ARHGAP24: variants seen among roughly 807,000 people sequenced by gnomAD.
The protein encoded by ARHGAP24 is rho GTPase-activating protein 24.
Under a neutral mutation model 76.4 loss-of-function variants are expected in ARHGAP24, and 50 were observed. The observed-to-expected ratio is 0.65, with a 90% CI of 0.52 to 0.83. The LOEUF (loss-of-function observed/expected upper bound fraction) is 0.83, where lower values mean the gene tolerates loss of function less well. Ranked by LOEUF, ARHGAP24 falls within the 40% of genes least tolerant of loss-of-function variation. The pLI is 0.00. For missense variants in ARHGAP24, 930 were observed against 914.2 expected (o/e 1.02, Z -0.22); for synonymous variants, 345 against 323.3 (o/e 1.07, Z -0.72).
At chr4:85,535,727 TG>T (rs1194984691) in intron 1 of ARHGAP24, among the ~76,000 whole-genome samples, 1 of 152,154 alleles carries the variant, frequency 6.6e-6, no homozygotes, top group Non-Finnish European at 1.5e-5. Flanking sequence ...GTGGTTTTGT[TG>T]TATATAGATG....
chr4:85,748,000 C>G (rs1302700311), intron 3 of ARHGAP24, among the ~76,000 whole-genome samples: 1 of 152,224 alleles, frequency 6.6e-6, no homozygotes, highest in African/African-American at 2.4e-5. Flanking sequence ...TATATCTGTT[C>G]ATGCCTAGAT....
At chr4:85,990,565 A>G (rs1051550307) in intron 8 of ARHGAP24, 7 of 151,896 alleles carry the variant, frequency 4.6e-5, no homozygotes, top group African/African-American at 1.7e-4. Flanking sequence ...AAAGTGTGCT[A>G]TTGATATAAA....
At position 85,995,047 on chromosome 4, in the gene ARHGAP24, C is replaced by G; in HGVS notation, c.1393C>G (p.Leu465Val). ...CCTACAGGCCAGAAGGAGCTCTTCA[C>G]TGAAGGTATCTGGTACCAAAATGGG... ...GSLQARRSSS[L>V]KVSGTKMGTH... Residue 465 changes from leucine (L) to valine (V), a missense_variant, in exon 9 of 10, where the codon CTG becomes GTG. Coordinates refer to ENST00000395184, the MANE Select transcript of ARHGAP24 (RefSeq NM_001025616.3). 1 of 1,614,066 alleles carries G rather than the reference C, an allele frequency of 6.2e-7. No homozygotes were observed. Among genetic ancestry groups the G allele is most frequent in the Non-Finnish European group, 8.5e-7 (1 of 1,180,022 alleles).
In ARHGAP24 at chr4:86,000,703, A is replaced by G. The variant is rs934686728; in HGVS notation, c.2228A>G (p.Asn743Ser). 1.2e-6 allele frequency: 2 copies of G among 1,613,822 alleles called. No homozygotes were observed. Among genetic ancestry groups the G allele is most frequent in the African/African-American group, 1.3e-5 (1 of 74,914 alleles). Residue 743 changes from asparagine (N) to serine (S), a missense_variant, in exon 10 of 10, where the codon AAC (asparagine) becomes AGC (serine). Physicochemically the swap from Asn to Ser is conservative, Grantham distance 46 (BLOSUM62 1). Transcript: ENST00000395184. Reference sequence around the variant, plus strand: ...GAACCCAGGAGAACCGAGAGAGGAAACACAATATGGATTCAGTGAGCCTGC... The same window carrying G: ...GAACCCAGGAGAACCGAGAGAGGAAGCACAATATGGATTCAGTGAGCCTGC... ...TVEPRRTERG[N>S]TIWIQ
intron 3 of ARHGAP24, among the ~76,000 whole-genome samples, chr4:85,837,540 CA>C (rs5860004): frequency 3.5e-3 from 529 of 152,162 alleles, no homozygotes; most frequent in African/African-American, 0.012. Context: ...AAAAAACAAG[CA>C]GCGGAATTAA....
chr4:85,752,361 CAG>C (rs1553927423), intron 3 of ARHGAP24, among the ~76,000 whole-genome samples: 1 of 152,154 alleles, frequency 6.6e-6, no homozygotes, highest in Non-Finnish European at 1.5e-5. Context: ...AATCTTCACT[CAG>C]AACATGTCAC....
intron 1 of ARHGAP24, among the ~76,000 whole-genome samples, chr4:85,503,924 T>G (rs544223802): frequency 6.6e-6 from 1 of 152,362 alleles, no homozygotes; most frequent in East Asian, 1.9e-4. Flanking sequence ...CTGTCTTTGT[T>G]CTCATTGGTT....
intron 3 of ARHGAP24, among the ~76,000 whole-genome samples, chr4:85,800,430 T>G (rs1728528065): frequency 6.6e-6 from 1 of 151,668 alleles, no homozygotes; most frequent in Admixed American, 6.6e-5. Context: ...CTGAATGAAA[T>G]AGGGCCCAAA....
At chr4:85,676,415 A>C (rs1578132007) in intron 2 of ARHGAP24, among the ~76,000 whole-genome samples, 1 of 152,134 alleles carries the variant, frequency 6.6e-6, no homozygotes, top group South Asian at 2.1e-4. Flanking sequence ...TTTTTTCATT[A>C]TAATTTAACA....
At chr4:85,939,856 A>G (rs1736856545) in intron 4 of ARHGAP24, among the ~76,000 whole-genome samples, 1 of 152,032 alleles carries the variant, frequency 6.6e-6, no homozygotes, top group African/African-American at 2.4e-5. Context: ...ATTTGGAGAG[A>G]ACCCTTAGGT....
chr4:85,737,889 T>G (rs1160479115), intron 3 of ARHGAP24, among the ~76,000 whole-genome samples: 1 of 152,162 alleles, frequency 6.6e-6, no homozygotes, highest in Non-Finnish European at 1.5e-5. Flanking sequence ...TTTGATTATA[T>G]TAGTATTAAA....
chr4:85,662,685 A>G (rs796453955), intron 2 of ARHGAP24, among the ~76,000 whole-genome samples: 3 of 152,040 alleles, frequency 2.0e-5, no homozygotes, highest in African/African-American at 7.2e-5. Context: ...ATCTTGAATT[A>G]ATTTTTGTAT....
chr4:85,881,381 C>A lies in ARHGAP24; in HGVS notation c.269-42267C>A, dbSNP rs993152847. Among the ~76,000 whole-genome samples, 20 of 152,222 alleles carry A rather than the reference C, an allele frequency of 1.3e-4. 1 individual carries two copies. Among genetic ancestry groups the A allele is most frequent in the African/African-American group, 4.3e-4 (18 of 41,536 alleles). ...GTATGTGTGTAATTTATTTTATATT[C>A]ATTAACGTTGCCAAGATGTATATTC... On this transcript the variant is annotated intron_variant, in intron 3 of 9. Transcript: ENST00000395184.
chr4:85,775,516 A>G (rs1216624463), intron 3 of ARHGAP24, among the ~76,000 whole-genome samples: 1 of 152,200 alleles, frequency 6.6e-6, no homozygotes, highest in Non-Finnish European at 1.5e-5. Flanking sequence ...GTTCCCCCTT[A>G]TAAAACCATC....
At chr4:85,936,025 T>A (rs1445695134) in intron 4 of ARHGAP24, among the ~76,000 whole-genome samples, 1 of 152,214 alleles carries the variant, frequency 6.6e-6, no homozygotes. Flanking sequence ...GCTTTGTTTC[T>A]TAGTTCTGTA....
intron 2 of ARHGAP24, among the ~76,000 whole-genome samples, chr4:85,649,638 T>C (rs1340412363): frequency 1.3e-5 from 2 of 152,172 alleles, no homozygotes; most frequent in Non-Finnish European, 2.9e-5. Flanking sequence ...GAGTTGGCTG[T>C]TGAGATTTAT....
chr4:85,650,538 A>T (rs1721896389), intron 2 of ARHGAP24, among the ~76,000 whole-genome samples: 1 of 149,504 alleles, frequency 6.7e-6, no homozygotes, highest in African/African-American at 2.6e-5. Flanking sequence ...ATATCACTTA[A>T]TGAGTTACTA....
chr4:85,648,760 ATTATCTT>A (rs1157563253), intron 2 of ARHGAP24, among the ~76,000 whole-genome samples: 3 of 152,012 alleles, frequency 2.0e-5, no homozygotes, highest in African/African-American at 7.2e-5. Context: ...CTGCTGGTCT[ATTATCTT>A]TTAATTGTTT....
chr4:85,630,628 G>T (rs1721128350), intron 2 of ARHGAP24, among the ~76,000 whole-genome samples: 1 of 152,152 alleles, frequency 6.6e-6, no homozygotes, highest in Non-Finnish European at 1.5e-5. Context: ...GATGCCTAGA[G>T]ACTGTGTCCA....
Sources: allele counts gnomAD v4.1 joint callset (sites outside exome capture counted in the v4.1 genomes callset), GRCh38; gene constraint gnomAD v4.1.1; transcripts MANE v1.5; gene names NCBI Gene and HGNC (gene_info 2026-07-23, HGNC 2026-07-21).